The following GABBR1 variants were observed in gnomAD, a reference collection of about 807,000 sequenced individuals.
GABBR1 encodes gamma-aminobutyric acid type B receptor subunit 1, also known as GABA-B receptor, R1 subunit.
GABBR1 carries 35 observed loss-of-function variants against 117.7 expected under a neutral mutation model. The ratio of observed to expected loss-of-function variants is 0.30; its 90% CI spans 0.23 to 0.39. The LOEUF (loss-of-function observed/expected upper bound fraction) is 0.39. Ranked by LOEUF, GABBR1 falls within the 10% of genes least tolerant of loss-of-function variation. The probability of loss-of-function intolerance (pLI) is 1.00; values close to 1 mark genes in which losing one functional copy is unlikely to be tolerated. For synonymous variants in GABBR1, 442 were observed against 486.6 expected (o/e 0.91, Z 1.21); for missense variants, 709 against 1,241.8 (o/e 0.57, Z 6.45).
In GABBR1 at chr6:29,629,157, G is replaced by A. The variant is rs1483039722; in HGVS notation, c.476-50C>T. ...AGAGAAGAGTTACCACTGGCGCCCA[G>A]CTTCCCTGGCCTGATCCCCAGCCCC... On this transcript the variant is annotated intron_variant, in intron 4 of 22. Transcript: ENST00000377034. The A allele has an allele frequency of 1.9e-6, 3 of 1,608,506 alleles. No individual in the cohort carries two copies. In the East Asian group the frequency reaches 6.7e-5, roughly 36 times the overall value.
rs1484093344 is a variant in GABBR1 at position 29,606,971 on chromosome 6, C to T, written c.2143G>A (p.Gly715Ser). The stretch of plus-strand genomic sequence containing the variant: ...AGGACATCCATGCCCACCAGCAGGC[C>T]CACTGTGGCATACAGCTTCCAGGGT... ...LEPWKLYATV[G>S]LLVGMDVLTL... The change falls in exon 18 of 23, where the codon GGC becomes AGC. Residue 715 changes from glycine (G) to serine (S), a missense_variant. Physicochemically the swap from Gly to Ser is moderately conservative, Grantham distance 56. Around this residue, in one of 9 missense-constraint regions of GABBR1, gnomAD observed 251 missense variants for 445.3 expected, o/e 0.56. Transcript: ENST00000377034. The surrounding 1 kb of genome is among the most constrained non-coding windows in gnomAD (Gnocchi z 4.5). The T allele has an allele frequency of 1.9e-6, 3 of 1,614,086 alleles. No individual in the cohort carries two copies. The highest frequency in any genetic ancestry group is 2.5e-6 in the Non-Finnish European group (3 of 1,180,054).
intron 16 of GABBR1, 38 bp downstream of exon 16, chr6:29,608,563 G>A (rs17218739): frequency 0.011 from 17,605 of 1,603,606 alleles, 359 homozygotes; most frequent in East Asian, 0.059. Flanking sequence ...GGGTGGGAGA[G>A]TCACATCCTG....
At position 29,627,781 on chromosome 6, in the gene GABBR1, C is replaced by T; in HGVS notation, c.497-135G>A. Reference sequence around the variant, plus strand: ...CCACCCCACCCGGGCAAAAGGGGCCCCGGGCCCCATGGCGTGGGGGGCAGG... The same window carrying T: ...CCACCCCACCCGGGCAAAAGGGGCCTCGGGCCCCATGGCGTGGGGGGCAGG... On this transcript the variant is annotated intron_variant, in intron 5 of 22. Coordinates refer to ENST00000377034, the MANE Select transcript of GABBR1 (RefSeq NM_001470.4). The surrounding 1 kb of genome is among the most constrained non-coding windows in gnomAD (Gnocchi z 4.4). 7 of 1,458,160 alleles carry T rather than the reference C, an allele frequency of 4.8e-6. No homozygotes were observed. The highest frequency in any genetic ancestry group is 6.3e-6 in the Non-Finnish European group (7 of 1,112,408). The allele number at this position is 1,458,160 out of a possible 1,614,324, so 90.3% of individuals were successfully genotyped here.
chr6:29,612,448 C>T (rs972607211), intron 13 of GABBR1, 103 bp downstream of exon 13: 6 of 848,934 alleles, frequency 7.1e-6, no homozygotes, highest in African/African-American at 1.7e-5. Flanking sequence ...TTGGGAGGTG[C>T]CAGGGCAATC....
rs1208800396 is a variant in GABBR1 at position 29,622,981 on chromosome 6, T to C, written c.963+324A>G. On this transcript the variant is annotated intron_variant, in intron 8 of 22. Transcript: ENST00000377034. The surrounding 1 kb of genome is among the most constrained non-coding windows in gnomAD (Gnocchi z 4.6). ...GGAATCTGCTGCCTTCCTGGATTCC[T>C]ATCTCATCTTCGCTCCCATCTCTTG... Among the ~76,000 whole-genome samples the C allele has an allele frequency of 2.7e-5, 4 of 150,112 alleles. No individual in the cohort carries two copies. The highest frequency in any genetic ancestry group is 5.9e-5 in the Non-Finnish European group (4 of 67,632).
rs1562078774 is a variant in GABBR1, at chr6:29,606,103, G to T, written c.2311+288C>A. Reference sequence around the variant, plus strand: ...TAATAAGGCCAAGGGGGATCTAAAAGATAATGTCAAGTCTGGAGGTGGGGT... The same window carrying T: ...TAATAAGGCCAAGGGGGATCTAAAATATAATGTCAAGTCTGGAGGTGGGGT... On this transcript the variant is annotated intron_variant, in intron 19 of 22. Coordinates refer to ENST00000377034, the MANE Select transcript of GABBR1 (RefSeq NM_001470.4). This position sits in a 1 kb window ranked among gnomAD's most constrained non-coding sequence, Gnocchi z 4.5. The T allele has an allele frequency of 5.5e-6, 3 of 548,792 alleles. No homozygotes were observed. The highest frequency in any genetic ancestry group is 6.5e-6 in the Non-Finnish European group (2 of 308,770). 34.0% of individuals were successfully genotyped at this position (548,792 alleles called of 1,614,324 possible).
Position 29,627,591 on chromosome 6 carries a change from C to T in GABBR1, c.552G>A (p.Gly184=). The T allele has an allele frequency of 5.7e-6, 9 of 1,575,818 alleles. No homozygotes were observed. The highest frequency in any genetic ancestry group is 7.7e-6 in the Non-Finnish European group (9 of 1,162,206). Residue 184 remains glycine, a synonymous_variant, in exon 6 of 23, where the codon GGG becomes GGA. Transcript: ENST00000377034. This position sits in a 1 kb window ranked among gnomAD's most constrained non-coding sequence, Gnocchi z 4.4. ...ALFPMSGGWP[G]GQACQPAVEM... ...CCACCGCGGGCTGGCAGGCCTGGCCCCCTGGCCAGCCCCCGCTCATGGGAA... is the reference window on the plus strand; with the variant it reads ...CCACCGCGGGCTGGCAGGCCTGGCCTCCTGGCCAGCCCCCGCTCATGGGAA...
Position 29,605,691 on chromosome 6 carries a change from A to G in GABBR1, c.2317T>C (p.Phe773Leu). Residue 773 changes from phenylalanine (F) to leucine (L), a missense_variant, in exon 20 of 23, where the codon TTC becomes CTC. Phe to Leu is a conservative substitution (Grantham distance 22, BLOSUM62 0). Coordinates refer to ENST00000377034, the MANE Select transcript of GABBR1 (RefSeq NM_001470.4). This position sits in a 1 kb window ranked among gnomAD's most constrained non-coding sequence, Gnocchi z 4.2. ...AGCAGCAGCCCCTTGTAACCATAGAAAATGCCTAGGATGGCAGGAGAGAGT... is the reference window on the plus strand; with the variant it reads ...AGCAGCAGCCCCTTGTAACCATAGAGAATGCCTAGGATGGCAGGAGAGAGT... The part of the protein sequence containing the change: ...SRKMNTWLGI[F>L]YGYKGLLLLL... 1 of 1,612,574 alleles carries G rather than the reference A, an allele frequency of 6.2e-7. No homozygotes were observed. Among genetic ancestry groups the G allele is most frequent in the Non-Finnish European group, 8.5e-7 (1 of 1,179,990 alleles).
In GABBR1 at chr6:29,607,214, C is replaced by T; in HGVS notation, c.1997G>A (p.Arg666His). 3 of 1,613,818 alleles carry T rather than the reference C, an allele frequency of 1.9e-6. No homozygotes were observed. The highest frequency in any genetic ancestry group is 2.5e-6 in the Non-Finnish European group (3 of 1,179,820). The change falls in exon 17 of 23, where the codon CGC becomes CAC. Residue 666 changes from arginine (R) to histidine (H), a missense_variant. This residue lies in a region of GABBR1 where 251 missense variants were observed against 445.3 expected (regional missense o/e 0.56). Transcript: ENST00000377034. The surrounding 1 kb of genome is among the most constrained non-coding windows in gnomAD (Gnocchi z 5.0). The part of the protein sequence containing the change: ...RNQFPFVCQA[R>H]LWLLGLGFSL... Reference sequence around the variant, plus strand: ...AAAGCCCAGGCCCAGGAGCCAGAGGCGGGCCTAGAAAGGAAGAGAGGGCAC... The same window carrying T: ...AAAGCCCAGGCCCAGGAGCCAGAGGTGGGCCTAGAAAGGAAGAGAGGGCAC...
In GABBR1 at chr6:29,632,867, GCTCCCCGGCT is replaced by G; in HGVS notation, c.-28_-19del. 1 of 283,626 alleles carries G rather than the reference GCTCCCCGGCT, an allele frequency of 3.5e-6. No individual in the cohort carries two copies. Among genetic ancestry groups the G allele is most frequent in the Non-Finnish European group, 6.4e-6 (1 of 156,896 alleles). 17.6% of individuals were successfully genotyped at this position (283,626 alleles called of 1,614,324 possible). ...GCTCTTACCTCGGCGCGCGGGCCCG[GCTCCCCGGCT>G]CTCCCCGGGCCTCAAGGCCCCAGGC... On this transcript the variant is annotated 5_prime_UTR_variant, in exon 1 of 23. Transcript: ENST00000377034. This position sits in a 1 kb window ranked among gnomAD's most constrained non-coding sequence, Gnocchi z 5.8.
chr6:29,602,887 A>T lies in GABBR1; in HGVS notation c.*656T>A, dbSNP rs1761513387. On this transcript the variant is annotated 3_prime_UTR_variant, in exon 23 of 23. Coordinates refer to ENST00000377034, the MANE Select transcript of GABBR1 (RefSeq NM_001470.4). ...ATGTGACTGAACATGAAGAAAGCAT[A>T]CGGGAAAAGCGTGTGTACACATGAG... 2 of 385,352 alleles carry T rather than the reference A, an allele frequency of 5.2e-6. No individual in the cohort carries two copies. The highest frequency in any genetic ancestry group is 1.0e-5 in the Non-Finnish European group (2 of 195,348). The allele number at this position is 385,352 out of a possible 1,614,324, so 23.9% of individuals were successfully genotyped here. A position where few individuals can be genotyped will look rare whatever the true frequency, so the allele number is the denominator to read the frequency against.
At position 29,632,435 on chromosome 6, in the gene GABBR1, C is replaced by A; in HGVS notation, c.1-50G>T. The A allele has an allele frequency of 2.3e-6, 3 of 1,301,758 alleles. No individual in the cohort carries two copies. The South Asian group carries it at 5.9e-5, about 25-fold the overall frequency. The allele number at this position is 1,301,758 out of a possible 1,614,324, so 80.6% of individuals were successfully genotyped here. Reference sequence around the variant, plus strand: ...CTGGACCGAGCCCCGCCGGCGCGGCCCGCACCCGGAGACTACTCGACCTCT... The same window carrying A: ...CTGGACCGAGCCCCGCCGGCGCGGCACGCACCCGGAGACTACTCGACCTCT... On this transcript the variant is annotated intron_variant, in intron 1 of 22. Coordinates refer to ENST00000377034, the MANE Select transcript of GABBR1 (RefSeq NM_001470.4). The surrounding 1 kb of genome is among the most constrained non-coding windows in gnomAD (Gnocchi z 5.8).
At position 29,632,193 on chromosome 6, in the gene GABBR1, G is replaced by T; in HGVS notation, c.85+108C>A. 1 of 664,350 alleles carries T rather than the reference G, an allele frequency of 1.5e-6. No individual in the cohort carries two copies. Among genetic ancestry groups the T allele is most frequent in the Non-Finnish European group, 2.3e-6 (1 of 426,054 alleles). 41.2% of individuals were successfully genotyped at this position (664,350 alleles called of 1,614,324 possible). On this transcript the variant is annotated intron_variant, in intron 2 of 22. Coordinates refer to ENST00000377034, the MANE Select transcript of GABBR1 (RefSeq NM_001470.4). The surrounding 1 kb of genome is among the most constrained non-coding windows in gnomAD (Gnocchi z 5.8). Reference sequence around the variant, plus strand: ...CCGAGCAGAAGGGGTTGCCAGACCGGGATGATATGTGGGACTGATGGGATA... The same window carrying T: ...CCGAGCAGAAGGGGTTGCCAGACCGTGATGATATGTGGGACTGATGGGATA...
At chr6:29,616,171 A>G (rs1207389301) in intron 11 of GABBR1, among the ~76,000 whole-genome samples, 4 of 151,992 alleles carry the variant, frequency 2.6e-5, no homozygotes, top group Non-Finnish European at 5.9e-5. Context: ...ATTGCACTCA[A>G]GCCTGGGCAA....
At chr6:29,624,124 A>C in intron 6 of GABBR1, 100 bp from the exon 7 acceptor site, 4 of 1,165,272 alleles carry the variant, frequency 3.4e-6, no homozygotes, top group Non-Finnish European at 4.7e-6. Flanking sequence ...TCCTTTCTCA[A>C]TTACTCACTT....
At chr6:29,629,027 G>A (rs1764678653) in intron 5 of GABBR1, 60 bp downstream of exon 5, 1 of 1,596,704 alleles carries the variant, frequency 6.3e-7, no homozygotes, top group Non-Finnish European at 8.6e-7. Flanking sequence ...CAGGGGGGTG[G>A]AGGGTGCAGA....
In GABBR1 at chr6:29,632,565, G is replaced by A. The variant is rs922426925; in HGVS notation, c.1-180C>T. The A allele has an allele frequency of 7.6e-6, 7 of 921,354 alleles. No individual in the cohort carries two copies. Among genetic ancestry groups the A allele is most frequent in the African/African-American group, 3.5e-5 (2 of 57,126 alleles). The allele number at this position is 921,354 out of a possible 1,614,324, so 57.1% of individuals were successfully genotyped here. Reference sequence around the variant, plus strand: ...CCCGCGCGGGGTGGGGGGAGAGGAGGAGAGAAAGCCTGTCCCCACCCTCCT... The same window carrying A: ...CCCGCGCGGGGTGGGGGGAGAGGAGAAGAGAAAGCCTGTCCCCACCCTCCT... On this transcript the variant is annotated intron_variant, in intron 1 of 22. Coordinates refer to ENST00000377034, the MANE Select transcript of GABBR1 (RefSeq NM_001470.4). This position sits in a 1 kb window ranked among gnomAD's most constrained non-coding sequence, Gnocchi z 5.8.
At position 29,604,683 on chromosome 6, in the gene GABBR1, C is replaced by A; in HGVS notation, c.2569-46G>T. On this transcript the variant is annotated intron_variant, in intron 21 of 22. Transcript: ENST00000377034. The surrounding 1 kb of genome is among the most constrained non-coding windows in gnomAD (Gnocchi z 5.3). ...GTGGGGTGGCCCAGCAAGGACTGTA[C>A]TAGTGACTGGCTGATGGAAGGTTGG... The A allele has an allele frequency of 6.2e-7, 1 of 1,610,252 alleles. No individual in the cohort carries two copies. The highest frequency in any genetic ancestry group is 8.5e-7 in the Non-Finnish European group (1 of 1,177,614).
At chr6:29,612,377 A>C (rs1288121222) in intron 13 of GABBR1, among the ~76,000 whole-genome samples, 174 bp downstream of exon 13, 1 of 152,122 alleles carries the variant, frequency 6.6e-6, no homozygotes, top group Non-Finnish European at 1.5e-5. Context: ...TCTTGTAGTT[A>C]AGCTTATTAT....
Sources: gnomAD v4.1 joint callset for allele counts (sites outside exome capture counted in the v4.1 genomes callset) on GRCh38, gnomAD v4.1.1 for gene constraint, gnomAD v4.1.1 regional missense constraint, Gnocchi (gnomAD v3.1) non-coding constraint, MANE v1.5 for transcripts, NCBI Gene and HGNC (gene_info 2026-07-23, HGNC 2026-07-21) for gene names.